Variants in KPNA4 observed in about 807,000 individuals in gnomAD.
The protein encoded by KPNA4 is importin subunit alpha-3.
In KPNA4, 13 loss-of-function variants were observed where a neutral mutation model predicts 71.3. That is an observed-to-expected ratio of 0.18 (90% confidence interval 0.12 to 0.29). The LOEUF (loss-of-function observed/expected upper bound fraction) is 0.29. Ranked by LOEUF, KPNA4 falls within the 10% of genes least tolerant of loss-of-function variation. The pLI, the probability that KPNA4 is intolerant of heterozygous loss-of-function variation, is 1.00. For missense variants in KPNA4, 334 were observed against 603.2 expected (o/e 0.55, Z 4.67); for synonymous variants, 189 against 195.2 (o/e 0.97, Z 0.26).
intron 13 of KPNA4, among the ~76,000 whole-genome samples, chr3:160,512,577 G>A (rs955002236): frequency 2.6e-5 from 4 of 152,244 alleles, no homozygotes; most frequent in Admixed American, 2.6e-4. Context: ...ATAAAGAAAT[G>A]CTCTTGGCCG....
chr3:160,547,845 T>C (rs775771276), intron 1 of KPNA4, among the ~76,000 whole-genome samples: 2 of 152,204 alleles, frequency 1.3e-5, no homozygotes, highest in Non-Finnish European at 2.9e-5. Flanking sequence ...TTGTTTCTTT[T>C]AGCAATATGC....
Position 160,521,847 on chromosome 3 carries a change from T to C in KPNA4, c.835A>G (p.Met279Val). The C allele has an allele frequency of 1.2e-6, 2 of 1,613,014 alleles. No homozygotes were observed. Among genetic ancestry groups the C allele is most frequent in the Non-Finnish European group, 1.7e-6 (2 of 1,179,682 alleles). ...GGAACTATTCCAGAGTCTATTACCA[T>C]CTGTATTTGTTCATTGCCAGCATCA... Reference protein sequence around the residue: ...LTDAGNEQIQMVIDSGIVPHL... With the variant: ...LTDAGNEQIQVVIDSGIVPHL... Residue 279 changes from methionine to valine, a missense_variant, in exon 11 of 17, where the codon ATG (methionine) becomes GTG (valine). Physicochemically the swap from Met to Val is conservative, Grantham distance 21. Coordinates refer to ENST00000334256, the MANE Select transcript of KPNA4 (RefSeq NM_002268.5).
chr3:160,533,328 C>T (rs1467178813), intron 5 of KPNA4, among the ~76,000 whole-genome samples: 1 of 151,974 alleles, frequency 6.6e-6, no homozygotes, highest in African/African-American at 2.4e-5. Context: ...GCCCAGCCCC[C>T]TATTTTTTAA....
Position 160,525,836 on chromosome 3 carries a change from TG to T in KPNA4, c.734del (p.Pro245GlnfsTer6). On this transcript the variant is annotated frameshift_variant, in exon 10 of 17. Coordinates refer to ENST00000334256, the MANE Select transcript of KPNA4 (RefSeq NM_002268.5). LOFTEE classifies it high-confidence loss of function. ...TGTGATGAATTAAAACACAAAGGGC[TG>T]GAAGAATCTGAGGAGAGAAATATGT... Reference protein sequence around the residue: ...PPMETIQEILPALCVLIHHTD... With the variant: ...PPMETIQEILXALCVLIHHTD... 1 of 1,569,656 alleles carries T rather than the reference TG, an allele frequency of 6.4e-7. No individual in the cohort carries two copies. Among genetic ancestry groups the T allele is most frequent in the Non-Finnish European group, 8.6e-7 (1 of 1,157,996 alleles).
chr3:160,513,249 G>T (rs867751624), intron 13 of KPNA4, among the ~76,000 whole-genome samples: 28 of 80,648 alleles, frequency 3.5e-4, no homozygotes, highest in Admixed American at 5.2e-4. Context: ...CTACTTTGTG[G>T]TTTTTTTTTT....
chr3:160,535,469 G>A, intron 5 of KPNA4, 44 bp downstream of exon 5: 1 of 1,464,422 alleles, frequency 6.8e-7, no homozygotes, highest in Non-Finnish European at 9.4e-7. Flanking sequence ...TAGAACCCCT[G>A]TGTAAGTTGT....
At chr3:160,565,188 CCCT>C in intron 1 of KPNA4, 23 bp downstream of exon 1, 2 of 1,586,204 alleles carry the variant, frequency 1.3e-6, no homozygotes, top group Non-Finnish European at 1.7e-6. Flanking sequence ...CAGCCCCCAC[CCCT>C]CCGGCGTCGT....
chr3:160,542,515 G>A (rs182071468), intron 1 of KPNA4, among the ~76,000 whole-genome samples: 5 of 152,146 alleles, frequency 3.3e-5, no homozygotes, highest in Admixed American at 3.3e-4. Context: ...TTACTCAAGT[G>A]GGTCAATAAT....
chr3:160,552,140 T>G (rs1045581171), intron 1 of KPNA4, among the ~76,000 whole-genome samples: 1 of 152,224 alleles, frequency 6.6e-6, no homozygotes, highest in African/African-American at 2.4e-5. Context: ...CAAATATGTT[T>G]GGAAAAATGT....
chr3:160,557,915 C>G (rs976807837), intron 1 of KPNA4, among the ~76,000 whole-genome samples: 6 of 152,182 alleles, frequency 3.9e-5, no homozygotes, highest in Non-Finnish European at 8.8e-5. Context: ...CTCCCAGTAT[C>G]AAGCAATCCT....
At chr3:160,528,104 T>A in intron 7 of KPNA4, 65 bp from the exon 8 acceptor site, 2 of 1,273,852 alleles carry the variant, frequency 1.6e-6, no homozygotes, top group East Asian at 2.4e-5. Flanking sequence ...TCAATCTTTA[T>A]TTTTTTGCTG....
chr3:160,506,740 A>G (rs1454709562), intron 15 of KPNA4, among the ~76,000 whole-genome samples: 6 of 152,248 alleles, frequency 3.9e-5, no homozygotes, highest in African/African-American at 1.4e-4. Flanking sequence ...AAAAATAATT[A>G]AGTATGCCTA....
At chr3:160,516,073 A>G (rs1048618878) in intron 11 of KPNA4, among the ~76,000 whole-genome samples, 1 of 151,784 alleles carries the variant, frequency 6.6e-6, no homozygotes, top group Non-Finnish European at 1.5e-5. Flanking sequence ...TGCAACCTCT[A>G]CCTCCCAGGT....
intron 13 of KPNA4, among the ~76,000 whole-genome samples, chr3:160,512,120 T>C (rs28631610): frequency 6.6e-6 from 1 of 152,152 alleles, no homozygotes; most frequent in Admixed American, 6.5e-5. Flanking sequence ...ATTATAACAA[T>C]GATCACCTTT....
intron 1 of KPNA4, among the ~76,000 whole-genome samples, chr3:160,551,779 T>C (rs544980013): frequency 2.0e-5 from 3 of 152,222 alleles, no homozygotes; most frequent in South Asian, 2.1e-4. Flanking sequence ...TTAGAGATAA[T>C]AGGAAGCCAC....
At chr3:160,525,157 T>C (rs1211520669) in intron 10 of KPNA4, among the ~76,000 whole-genome samples, 1 of 152,168 alleles carries the variant, frequency 6.6e-6, no homozygotes, top group African/African-American at 2.4e-5. Context: ...ATAAGCAAAA[T>C]ATATTTGCTA....
At chr3:160,508,768 C>T (rs966794217) in intron 14 of KPNA4, among the ~76,000 whole-genome samples, 3 of 152,030 alleles carry the variant, frequency 2.0e-5, no homozygotes, top group Non-Finnish European at 2.9e-5. Flanking sequence ...GATCCTCCTG[C>T]CTTGGCCCCA....
chr3:160,502,047 C>CAT lies in KPNA4; in HGVS notation c.*56_*57insAT. The CAT allele has an allele frequency of 1.7e-5, 10 of 593,506 alleles. No individual in the cohort carries two copies. Among genetic ancestry groups the CAT allele is most frequent in the Non-Finnish European group, 1.7e-5 (6 of 353,300 alleles). 36.8% of individuals were successfully genotyped at this position (593,506 alleles called of 1,614,324 possible). ...GTATATATATATATATATACACACA[C>CAT]ACATATATATATATATATCTCAGTG... On this transcript the variant is annotated 3_prime_UTR_variant, in exon 17 of 17. Transcript: ENST00000334256.
In KPNA4 at chr3:160,543,387, C is replaced by T. The variant is rs200046145; in HGVS notation, c.70-6547G>A. On this transcript the variant is annotated intron_variant, in intron 1 of 16. Coordinates refer to ENST00000334256, the MANE Select transcript of KPNA4 (RefSeq NM_002268.5). ...ACAGAATCTCACTCTGTCACCCAGGCTGGAGTGCAGTGGCGCGACCTCAGC... is the reference window on the plus strand; with the variant it reads ...ACAGAATCTCACTCTGTCACCCAGGTTGGAGTGCAGTGGCGCGACCTCAGC... 5.9e-5 allele frequency among the ~76,000 whole-genome samples: 9 copies of T among 151,924 alleles called. No individual in the cohort carries two copies. The East Asian group carries it at 1.7e-3, about 29-fold the overall frequency.
Sources: gnomAD v4.1 joint callset for allele counts (sites outside exome capture counted in the v4.1 genomes callset) on GRCh38, gnomAD v4.1.1 for gene constraint, MANE v1.5 for transcripts, NCBI Gene and HGNC (gene_info 2026-07-23, HGNC 2026-07-21) for gene names.